The following LUC7L2 variants were observed in gnomAD, a reference collection of about 807,000 sequenced individuals.
LUC7L2 encodes LUC7 like 2, pre-mRNA splicing factor.
A neutral mutation model predicts 52.8 loss-of-function variants in LUC7L2; 25 were observed. The observed-to-expected ratio is 0.47, with a 90% CI of 0.34 to 0.66. The LOEUF (loss-of-function observed/expected upper bound fraction) is 0.66. LUC7L2 is among the 30% of genes least tolerant of loss of function. The pLI, the probability that LUC7L2 is intolerant of heterozygous loss-of-function variation, is 0.01. For missense variants in LUC7L2, 328 were observed against 497.8 expected (o/e 0.66, Z 3.25); for synonymous variants, 144 against 160.9 (o/e 0.89, Z 0.80).
At position 139,407,341 on chromosome 7, in the gene LUC7L2, A is replaced by T; in HGVS notation, c.678A>T (p.Glu226Asp). Reference sequence around the variant, plus strand: ...TTATTGAAATAAGAGAGAAGCTTGAAGAATTAAAGGTACATTGGTAAAATA... The same window carrying T: ...TTATTGAAATAAGAGAGAAGCTTGATGAATTAAAGGTACATTGGTAAAATA... ...LGFIEIREKL[E>D]ELKRVVAEKQ... Residue 226 changes from glutamate to aspartate, a missense_variant, in exon 6 of 10, where the codon GAA becomes GAT. Glu to Asp is a conservative substitution (Grantham distance 45). Around this residue, in one of 2 missense-constraint regions of LUC7L2, gnomAD observed 195 missense variants for 223.3 expected, o/e 0.87. Transcript: ENST00000354926. The T allele has an allele frequency of 6.2e-7, 1 of 1,609,726 alleles. No homozygotes were observed. The highest frequency in any genetic ancestry group is 8.5e-7 in the Non-Finnish European group (1 of 1,177,956).
chr7:139,348,420 G>A (rs1799338797), intron 1 of LUC7L2, among the ~76,000 whole-genome samples: 1 of 150,550 alleles, frequency 6.6e-6, no homozygotes, highest in Non-Finnish European at 1.5e-5. Flanking sequence ...GATTTAGATT[G>A]TTAAAAAATA....
At chr7:139,374,470 C>A (rs1479514449) in intron 1 of LUC7L2, 2 of 1,550,714 alleles carry the variant, frequency 1.3e-6, no homozygotes, top group Admixed American at 3.9e-5. Flanking sequence ...ATTCGCCAAG[C>A]CGTGAGTTAT....
At chr7:139,413,209 C>G (rs538773566) in intron 8 of LUC7L2, among the ~76,000 whole-genome samples, 1 of 152,152 alleles carries the variant, frequency 6.6e-6, no homozygotes, top group Non-Finnish European at 1.5e-5. Context: ...GTAGTTTTTG[C>G]TAGTTGCTGA....
chr7:139,399,691 G>C (rs142677163), intron 3 of LUC7L2, among the ~76,000 whole-genome samples: 2,813 of 151,890 alleles, frequency 0.019, 30 homozygotes, highest in Non-Finnish European at 0.029. Context: ...GGATGGTCTT[G>C]ATCTCCTGAC....
chr7:139,389,150 C>T (rs918247179), intron 2 of LUC7L2, among the ~76,000 whole-genome samples: 1 of 150,594 alleles, frequency 6.6e-6, no homozygotes, highest in Admixed American at 6.6e-5. Context: ...TTCCTAGGTT[C>T]TTGTAATATC....
At chr7:139,409,176 C>T (rs919863913) in intron 6 of LUC7L2, among the ~76,000 whole-genome samples, 39 of 151,490 alleles carry the variant, frequency 2.6e-4, no homozygotes, top group African/African-American at 7.5e-4. Flanking sequence ...CTCAGTGGCT[C>T]GCACCTGTTA....
intron 1 of LUC7L2, among the ~76,000 whole-genome samples, chr7:139,352,174 C>T (rs1315341827): frequency 2.6e-5 from 4 of 151,860 alleles, no homozygotes; most frequent in Non-Finnish European, 4.4e-5. Context: ...CCAGCCTGGG[C>T]GACAGAGAAA....
intron 3 of LUC7L2, 24 bp downstream of exon 3, chr7:139,398,721 T>C: frequency 6.3e-7 from 1 of 1,598,974 alleles, no homozygotes; most frequent in Non-Finnish European, 8.5e-7. Context: ...CTTTAATGGT[T>C]TGTTGTTATC....
chr7:139,350,297 AT>A (rs1367000806), intron 1 of LUC7L2, among the ~76,000 whole-genome samples: 1 of 151,434 alleles, frequency 6.6e-6, no homozygotes, highest in Non-Finnish European at 1.5e-5. Flanking sequence ...AATTTTTTGT[AT>A]TTTTAGTAGA....
At chr7:139,341,573 C>T in intron 1 of LUC7L2, 1 of 1,592,904 alleles carries the variant, frequency 6.3e-7, no homozygotes. Flanking sequence ...GGAGGAAGAG[C>T]CGGGTCTGGG....
At chr7:139,359,849 T>A (rs1799765669), upstream of LUC7L2, 3 of 407,982 alleles carry the variant, frequency 7.4e-6, no homozygotes, top group Non-Finnish European at 1.3e-5. Context: ...GGACGCCAGT[T>A]GGTGGAGCCC....
At chr7:139,384,586 TA>T (rs975958752) in intron 2 of LUC7L2, among the ~76,000 whole-genome samples, 4 of 152,246 alleles carry the variant, frequency 2.6e-5, no homozygotes, top group Admixed American at 2.6e-4. Flanking sequence ...AACAGTGCTT[TA>T]AAAGATTGCC....
chr7:139,381,078 CT>C (rs1800988423), intron 2 of LUC7L2, among the ~76,000 whole-genome samples: 1 of 151,984 alleles, frequency 6.6e-6, no homozygotes, highest in Non-Finnish European at 1.5e-5. Flanking sequence ...GCCCTCATAT[CT>C]TCTAGTGTAA....
intron 1 of LUC7L2, among the ~76,000 whole-genome samples, chr7:139,347,119 A>G (rs1433086229): frequency 6.6e-6 from 1 of 152,036 alleles, no homozygotes; most frequent in Non-Finnish European, 1.5e-5. Flanking sequence ...CCTTTATGGT[A>G]TATGTCAGTT....
Position 139,422,579 on chromosome 7 carries a change from A to G in LUC7L2, c.*239A>G, listed in dbSNP as rs550319684. 1 of 788,372 alleles carries G rather than the reference A, an allele frequency of 1.3e-6. No homozygotes were observed. The highest frequency in any genetic ancestry group is 6.1e-5 in the South Asian group (1 of 16,364). The allele number at this position is 788,372 out of a possible 1,614,324, so 48.8% of individuals were successfully genotyped here. Reference sequence around the variant, plus strand: ...TGAAAGTACAGTTTTATATAATAAGATGCTGATCTCTTTATTCTTTCAAGT... The same window carrying G: ...TGAAAGTACAGTTTTATATAATAAGGTGCTGATCTCTTTATTCTTTCAAGT... On this transcript the variant is annotated 3_prime_UTR_variant, in exon 10 of 10. Coordinates refer to ENST00000354926, the MANE Select transcript of LUC7L2 (RefSeq NM_016019.5).
At chr7:139,374,417 C>T (rs2131210903) in intron 1 of LUC7L2, 1 of 1,550,744 alleles carries the variant, frequency 6.4e-7, no homozygotes, top group South Asian at 1.2e-5. Context: ...TGTATCTATG[C>T]CTGCCTACCT....
chr7:139,349,230 T>G (rs1008062107), intron 1 of LUC7L2, among the ~76,000 whole-genome samples: 1 of 152,210 alleles, frequency 6.6e-6, no homozygotes, highest in African/African-American at 2.4e-5. Context: ...AGAGAAAATC[T>G]TACTGTTTGT....
intron 2 of LUC7L2, among the ~76,000 whole-genome samples, chr7:139,381,032 A>G (rs562524492): frequency 2.6e-5 from 4 of 152,324 alleles, no homozygotes; most frequent in African/African-American, 7.2e-5. Flanking sequence ...TAATTTTATG[A>G]TAGCCCTCAT....
At chr7:139,355,603 C>G (rs1025097511), upstream of LUC7L2, among the ~76,000 whole-genome samples, 2 of 152,192 alleles carry the variant, frequency 1.3e-5, no homozygotes, top group African/African-American at 2.4e-5. Flanking sequence ...AATTCTACAA[C>G]TGAAAATTCA....
Sources: gnomAD v4.1 joint callset for allele counts (sites outside exome capture counted in the v4.1 genomes callset) on GRCh38, gnomAD v4.1.1 for gene constraint, gnomAD v4.1.1 regional missense constraint, MANE v1.5 for transcripts, NCBI Gene and HGNC (gene_info 2026-07-23, HGNC 2026-07-21) for gene names.